GRIA4: variants seen among roughly 807,000 people sequenced by gnomAD.
GRIA4 encodes glutamate receptor 4.
In GRIA4, 34 loss-of-function variants were observed where a neutral mutation model predicts 104.0. That is an observed-to-expected ratio of 0.33 (90% CI 0.25 to 0.44). The LOEUF is 0.44. Ranked by LOEUF, GRIA4 falls within the 20% of genes least tolerant of loss-of-function variation. GRIA4 has a pLI of 1.00. For synonymous variants in GRIA4, 386 were observed against 381.9 expected (o/e 1.01, Z -0.13); for missense variants, 750 against 1,096.5 (o/e 0.68, Z 4.46).
intron 3 of GRIA4, among the ~76,000 whole-genome samples, chr11:105,723,864 G>A (rs1938005945): frequency 6.6e-6 from 1 of 151,888 alleles, no homozygotes; most frequent in Non-Finnish European, 1.5e-5. Flanking sequence ...ACAAATAATG[G>A]ACATTTTTCA....
At chr11:105,740,181 T>C (rs1371183138) in intron 3 of GRIA4, among the ~76,000 whole-genome samples, 1 of 152,236 alleles carries the variant, frequency 6.6e-6, no homozygotes, top group Non-Finnish European at 1.5e-5. Flanking sequence ...AATATATAAC[T>C]ATGATTATAA....
At chr11:105,713,042 A>G (rs1179306017) in intron 3 of GRIA4, among the ~76,000 whole-genome samples, 2 of 151,936 alleles carry the variant, frequency 1.3e-5, no homozygotes, top group African/African-American at 4.8e-5. Flanking sequence ...AAACTCTTCT[A>G]TTAAGTCATG....
intron 3 of GRIA4, among the ~76,000 whole-genome samples, chr11:105,619,245 T>G (rs1381919227): frequency 6.6e-6 from 1 of 151,972 alleles, no homozygotes; most frequent in African/African-American, 2.4e-5. Flanking sequence ...GTAACACTTC[T>G]GAGTCTCGAT....
Position 105,750,371 on chromosome 11 carries a change from T to C in GRIA4, c.248-2610T>C, listed in dbSNP as rs74349787. ...ATGTTTAAAAGAATAAGACTACAGC[T>C]GTAAATTTGCAAAGGGAAAGTAAAA... On this transcript the variant is annotated intron_variant, in intron 3 of 16. Coordinates refer to ENST00000282499, the MANE Select transcript of GRIA4 (RefSeq NM_000829.4). 3.9e-3 allele frequency among the ~76,000 whole-genome samples: 598 copies of C among 152,216 alleles called. 4 individuals carry two copies. Among genetic ancestry groups the C allele is most frequent in the African/African-American group, 0.014 (569 of 41,540 alleles).
At chr11:105,948,076 T>C (rs1319852182) in intron 14 of GRIA4, among the ~76,000 whole-genome samples, 2 of 152,188 alleles carry the variant, frequency 1.3e-5, no homozygotes, top group African/African-American at 4.8e-5. Context: ...CTTCCTTTCA[T>C]TAGCTTGTAA....
intron 14 of GRIA4, among the ~76,000 whole-genome samples, chr11:105,965,086 C>T (rs939454177): frequency 7.2e-5 from 11 of 152,000 alleles, no homozygotes; most frequent in Non-Finnish European, 1.6e-4. Flanking sequence ...GGATTACAGG[C>T]GTGAGCCACC....
chr11:105,866,584 T>TATATATATATATATATATATA (rs1945428481), intron 5 of GRIA4, among the ~76,000 whole-genome samples: 5 of 143,148 alleles, frequency 3.5e-5, no homozygotes, highest in African/African-American at 5.1e-5. Flanking sequence ...TATATATATA[T>TATATATATATATATATATATA]TCAGGTACTA....
intron 5 of GRIA4, among the ~76,000 whole-genome samples, chr11:105,877,278 C>T (rs567600351): frequency 1.3e-5 from 2 of 152,322 alleles, no homozygotes; most frequent in South Asian, 4.1e-4. Context: ...GAGAAATCCA[C>T]TGTTAGTCTG....
chr11:105,760,135 A>C (rs1940540957), intron 4 of GRIA4, among the ~76,000 whole-genome samples: 1 of 152,148 alleles, frequency 6.6e-6, no homozygotes, highest in Non-Finnish European at 1.5e-5. Context: ...AGAGTGAATT[A>C]ATGCTTCTTT....
intron 6 of GRIA4, among the ~76,000 whole-genome samples, chr11:105,897,723 A>G (rs1286061833): frequency 6.6e-6 from 1 of 152,120 alleles, no homozygotes; most frequent in Non-Finnish European, 1.5e-5. Context: ...ATTGCTTTGC[A>G]TATGTTAAAC....
At chr11:105,979,048 G>A (rs1221156596) in intron 16 of GRIA4, among the ~76,000 whole-genome samples, 1 of 152,154 alleles carries the variant, frequency 6.6e-6, no homozygotes, top group African/African-American at 2.4e-5. Flanking sequence ...GCTGTTCTGG[G>A]TCATGTCTAT....
intron 4 of GRIA4, among the ~76,000 whole-genome samples, chr11:105,849,284 C>G (rs1944711941): frequency 6.6e-6 from 1 of 152,142 alleles, no homozygotes; most frequent in African/African-American, 2.4e-5. Flanking sequence ...CAACTGGAAG[C>G]CAAAGCACAC....
At chr11:105,820,996 T>G (rs1943555900) in intron 4 of GRIA4, among the ~76,000 whole-genome samples, 1 of 152,112 alleles carries the variant, frequency 6.6e-6, no homozygotes, top group African/African-American at 2.4e-5. Context: ...TTTGTTATTG[T>G]TTTTGTGTTT....
In GRIA4 at chr11:105,979,963, G is replaced by A; in HGVS notation, c.*224G>A. On this transcript the variant is annotated 3_prime_UTR_variant, in exon 17 of 17. Transcript: ENST00000282499. ...TATATCAGGAAAACTCACAATTGAG[G>A]TTTTTTTCGGGGAGTGGGTGGGGGA... 3.4e-6 allele frequency: 1 copy of A among 294,180 alleles called. No homozygotes were observed. Among genetic ancestry groups the A allele is most frequent in the Non-Finnish European group, 6.7e-6 (1 of 149,614 alleles). 18.2% of individuals were successfully genotyped at this position (294,180 alleles called of 1,614,324 possible). A position where few individuals can be genotyped will look rare whatever the true frequency, so the allele number is the denominator to read the frequency against.
chr11:105,919,328 C>A (rs1160880879), intron 11 of GRIA4, among the ~76,000 whole-genome samples: 3 of 152,074 alleles, frequency 2.0e-5, no homozygotes, highest in Non-Finnish European at 2.9e-5. Context: ...GTTATTTGTA[C>A]CTCCATTGTT....
intron 3 of GRIA4, among the ~76,000 whole-genome samples, chr11:105,737,488 G>T (rs768965498): frequency 3.4e-5 from 5 of 146,970 alleles, no homozygotes; most frequent in Non-Finnish European, 7.5e-5. Flanking sequence ...AAAAATAAAA[G>T]AAAAAAAAAA....
chr11:105,714,780 G>A (rs183784472), intron 3 of GRIA4, among the ~76,000 whole-genome samples: 2 of 152,044 alleles, frequency 1.3e-5, no homozygotes, highest in East Asian at 3.9e-4. Context: ...GCCGTTTTAG[G>A]TCTTCAGTTG....
At chr11:105,632,446 T>C (rs1951058336) in intron 3 of GRIA4, among the ~76,000 whole-genome samples, 1 of 152,200 alleles carries the variant, frequency 6.6e-6, no homozygotes, top group South Asian at 2.1e-4. Flanking sequence ...ATTGGCTCTC[T>C]GGTGTAGAAG....
chr11:105,795,722 T>G (rs1475714751), intron 4 of GRIA4, among the ~76,000 whole-genome samples: 1 of 152,030 alleles, frequency 6.6e-6, no homozygotes, highest in African/African-American at 2.4e-5. Context: ...AGATCAGAGA[T>G]CTTCATTCTT....
Sources: allele counts gnomAD v4.1 joint callset (sites outside exome capture counted in the v4.1 genomes callset), GRCh38; gene constraint gnomAD v4.1.1; transcripts MANE v1.5; gene names NCBI Gene and HGNC (gene_info 2026-07-23, HGNC 2026-07-21).